Variants in DLG2 observed in about 807,000 individuals in gnomAD.
DLG2 encodes the protein disks large homolog 2.
DLG2 carries 45 observed loss-of-function variants against 132.5 expected under a neutral mutation model. The observed-to-expected ratio is 0.34, with a 90% confidence interval of 0.27 to 0.44. The LOEUF (loss-of-function observed/expected upper bound fraction) is 0.44. Ranked by LOEUF, DLG2 falls within the 20% of genes least tolerant of loss-of-function variation. DLG2 has a pLI of 1.00. For synonymous variants in DLG2, 424 were observed against 419.6 expected, an observed-to-expected ratio of 1.01 and a Z score of -0.13; for missense variants, 1,045 against 1,196.9, an observed-to-expected ratio of 0.87 and a Z score of 1.87.
At chr11:85,034,704 C>G (rs868049937) in intron 6 of DLG2, among the ~76,000 whole-genome samples, 1 of 152,048 alleles carries the variant, frequency 6.6e-6, no homozygotes, top group Non-Finnish European at 1.5e-5. Context: ...CATTCTGTAC[C>G]CTATGCTTCC....
intron 3 of DLG2, among the ~76,000 whole-genome samples, chr11:85,305,405 T>C (rs2079870325): frequency 1.3e-5 from 2 of 152,210 alleles, no homozygotes; most frequent in African/African-American, 4.8e-5. Flanking sequence ...AACGAAACAG[T>C]AAACACAAGC....
chr11:84,191,291 T>C (rs939429861), intron 8 of DLG2, among the ~76,000 whole-genome samples: 1 of 152,228 alleles, frequency 6.6e-6, no homozygotes, highest in Admixed American at 6.5e-5. Flanking sequence ...TTCATGTGAC[T>C]TTGCAAGATA....
chr11:83,865,530 G>T (rs1258150407), intron 16 of DLG2, among the ~76,000 whole-genome samples: 1 of 151,710 alleles, frequency 6.6e-6, no homozygotes, highest in African/African-American at 2.4e-5. Context: ...GAAAGGAGGA[G>T]GAGAAAGTTT....
chr11:85,328,672 T>C (rs907885361), intron 3 of DLG2, among the ~76,000 whole-genome samples: 1 of 150,486 alleles, frequency 6.6e-6, no homozygotes, highest in African/African-American at 2.5e-5. Context: ...AATATCATAC[T>C]GAATGGGCAA....
intron 6 of DLG2, among the ~76,000 whole-genome samples, chr11:84,583,016 C>T (rs948303961): frequency 6.6e-6 from 1 of 152,050 alleles, no homozygotes; most frequent in South Asian, 2.1e-4. Flanking sequence ...TTATGCTGAC[C>T]CAATAAAAGA....
chr11:85,188,383 AT>A (rs1189236345), intron 4 of DLG2, among the ~76,000 whole-genome samples: 3 of 152,204 alleles, frequency 2.0e-5, no homozygotes, highest in Non-Finnish European at 4.4e-5. Flanking sequence ...AACACAAGCA[AT>A]AACAACCATC....
chr11:84,861,618 CAA>C (rs1177657034), intron 6 of DLG2, among the ~76,000 whole-genome samples: 2,947 of 35,324 alleles, frequency 0.083, 7 homozygotes, highest in Middle Eastern at 0.11. Context: ...TTCTACACAG[CAA>C]AAAAAAAAAA....
chr11:83,600,592 C>G (rs1282016758), intron 19 of DLG2, among the ~76,000 whole-genome samples: 1 of 152,196 alleles, frequency 6.6e-6, no homozygotes, highest in Non-Finnish European at 1.5e-5. Flanking sequence ...TGTTCTTAGT[C>G]TAGCAATAGC....
chr11:84,909,403 T>C (rs1158905098), intron 6 of DLG2, among the ~76,000 whole-genome samples: 1 of 152,190 alleles, frequency 6.6e-6, no homozygotes, highest in Non-Finnish European at 1.5e-5. Context: ...GCTTTGCCAT[T>C]TTCTTGCTAT....
At chr11:85,435,018 T>C (rs1371946498) in intron 3 of DLG2, among the ~76,000 whole-genome samples, 1 of 152,182 alleles carries the variant, frequency 6.6e-6, no homozygotes, top group African/African-American at 2.4e-5. Flanking sequence ...TGGTTCAACA[T>C]ATGCAAATCA....
chr11:83,590,113 T>C (rs966869377), intron 19 of DLG2, among the ~76,000 whole-genome samples: 3 of 136,818 alleles, frequency 2.2e-5, no homozygotes, highest in African/African-American at 5.6e-5. Flanking sequence ...TACCCAGCAA[T>C]TGAACTCAGC....
At chr11:83,964,911 C>A (rs1043521818) in intron 13 of DLG2, among the ~76,000 whole-genome samples, 1 of 151,944 alleles carries the variant, frequency 6.6e-6, no homozygotes, top group Non-Finnish European at 1.5e-5. Flanking sequence ...TCCCCTTTTT[C>A]AGGAAGAATC....
chr11:84,151,474 C>A (rs1359649832), intron 9 of DLG2, among the ~76,000 whole-genome samples: 1 of 151,996 alleles, frequency 6.6e-6, no homozygotes, highest in African/African-American at 2.4e-5. Context: ...GTCTATAAAT[C>A]TTGTTTATCT....
At chr11:85,336,846 G>GA (rs550150516) in intron 3 of DLG2, among the ~76,000 whole-genome samples, 2 of 152,208 alleles carry the variant, frequency 1.3e-5, no homozygotes, top group South Asian at 2.1e-4. Flanking sequence ...CTATTTAATG[G>GA]AAAAAATTAA....
chr11:84,724,579 C>A (rs1033612022), intron 6 of DLG2, among the ~76,000 whole-genome samples: 32 of 152,052 alleles, frequency 2.1e-4, no homozygotes, highest in African/African-American at 7.2e-4. Flanking sequence ...CTGCAAAAAA[C>A]CTTTTACCAG....
At chr11:83,687,867 T>C (rs2080092137) in intron 18 of DLG2, among the ~76,000 whole-genome samples, 1 of 152,070 alleles carries the variant, frequency 6.6e-6, no homozygotes, top group South Asian at 2.1e-4. Flanking sequence ...CTGGTCATGA[T>C]GGCATACATC....
chr11:84,818,746 T>C (rs1022956304), intron 6 of DLG2, among the ~76,000 whole-genome samples: 7 of 152,040 alleles, frequency 4.6e-5, no homozygotes, highest in Middle Eastern at 3.4e-3. Flanking sequence ...ATAAGGTACA[T>C]ATGTTATAGA....
At chr11:83,592,456 C>G (rs1193223468) in intron 19 of DLG2, among the ~76,000 whole-genome samples, 3 of 150,592 alleles carry the variant, frequency 2.0e-5, no homozygotes, top group Non-Finnish European at 3.0e-5. Flanking sequence ...AAAGCTGAAA[C>G]TGGATCCCTT....
At chr11:84,976,262 A>T (rs1384434271) in intron 6 of DLG2, among the ~76,000 whole-genome samples, 2 of 152,158 alleles carry the variant, frequency 1.3e-5, no homozygotes, top group Non-Finnish European at 2.9e-5. Flanking sequence ...TGCAAGAATA[A>T]ACAGATTGGG....
Sources: gnomAD v4.1 joint callset for allele counts (sites outside exome capture counted in the v4.1 genomes callset) on GRCh38, gnomAD v4.1.1 for gene constraint, MANE v1.5 for transcripts, NCBI Gene and HGNC (gene_info 2026-07-23, HGNC 2026-07-21) for gene names.